The following SULF2 variants were observed in gnomAD, a reference collection of about 807,000 sequenced individuals.
The protein encoded by SULF2 is sulfatase 2.
A neutral mutation model predicts 107.7 loss-of-function variants in SULF2; 52 were observed. That is an observed-to-expected ratio of 0.48 (90% confidence interval 0.39 to 0.61). SULF2 has a LOEUF of 0.61. Ranked by LOEUF, SULF2 falls within the 20% of genes least tolerant of loss-of-function variation. The probability of loss-of-function intolerance (pLI) is 0.00; values close to 1 mark genes in which losing one functional copy is unlikely to be tolerated. For synonymous variants in SULF2, 460 were observed against 464.3 expected, an observed-to-expected ratio of 0.99 and a Z score of 0.12; for missense variants, 993 against 1,177.3, an observed-to-expected ratio of 0.84 and a Z score of 2.29.
At chr20:47,751,648 C>T (rs1322343001) in intron 2 of SULF2, among the ~76,000 whole-genome samples, 1 of 152,170 alleles carries the variant, frequency 6.6e-6, no homozygotes, top group Non-Finnish European at 1.5e-5. Flanking sequence ...AGAGACAAAG[C>T]TCCTAGATCC....
intron 1 of SULF2, among the ~76,000 whole-genome samples, chr20:47,783,327 A>G (rs1290962474): frequency 6.6e-6 from 1 of 152,242 alleles, no homozygotes; most frequent in Non-Finnish European, 1.5e-5. Flanking sequence ...AGCTTGACAG[A>G]GTTGGGTGAT....
Position 47,694,261 on chromosome 20 carries a change from G to A in SULF2, c.568-3966C>T, listed in dbSNP as rs1272463770. Among the ~76,000 whole-genome samples the A allele has an allele frequency of 6.6e-6, 1 of 152,174 alleles. No homozygotes were observed. The highest frequency in any genetic ancestry group is 1.5e-5 in the Non-Finnish European group (1 of 68,026). ...GGGGGCAGCATCCAGCGATGCTCAG[G>A]GGCAGCCAGGACAGCCACTGGGTGG... On this transcript the variant is annotated intron_variant, in intron 4 of 20. Coordinates refer to ENST00000688720, the MANE Select transcript of SULF2 (RefSeq NM_001387048.1). This position sits in a 1 kb window ranked among gnomAD's most constrained non-coding sequence, Gnocchi z 4.4.
At chr20:47,674,210 C>T (rs1443449247) in intron 10 of SULF2, among the ~76,000 whole-genome samples, 2 of 152,272 alleles carry the variant, frequency 1.3e-5, no homozygotes, top group Non-Finnish European at 2.9e-5. Flanking sequence ...TGCAACTACT[C>T]ATGTAGAAGC....
rs187004271 is a variant in SULF2 at position 47,738,551 on chromosome 20, C to T, written c.176-1609G>A. ...TGAATTGTGGCTCCCATATTTCCCA[C>T]GTGTTGTGAGAGGGATCTGATGGGA... is the stretch of plus-strand genomic sequence containing the variant. On this transcript the variant is annotated intron_variant, in intron 2 of 20. Transcript: ENST00000688720. Among the ~76,000 whole-genome samples, 35 of 152,298 alleles carry T rather than the reference C, an allele frequency of 2.3e-4. No individual in the cohort carries two copies. The Middle Eastern group carries it at 0.01, about 44-fold the overall frequency.
At chr20:47,673,535 T>C (rs1339584581) in intron 10 of SULF2, among the ~76,000 whole-genome samples, 1 of 151,432 alleles carries the variant, frequency 6.6e-6, no homozygotes, top group Admixed American at 6.6e-5. Context: ...CCCGCTGCCG[T>C]TGAAGGCCCT....
intron 6 of SULF2, among the ~76,000 whole-genome samples, chr20:47,683,961 A>T (rs1377222452): frequency 6.6e-6 from 1 of 152,216 alleles, no homozygotes; most frequent in Admixed American, 6.5e-5. Flanking sequence ...AGAGACAGAA[A>T]GAGATCACCA....
intron 3 of SULF2, among the ~76,000 whole-genome samples, chr20:47,725,714 C>G (rs1243495328): frequency 6.6e-6 from 1 of 152,148 alleles, no homozygotes; most frequent in Non-Finnish European, 1.5e-5. Context: ...ATCTGGGCAC[C>G]CCCTCCCCAC....
chr20:47,746,994 AATATAT>A (rs57147246), intron 2 of SULF2, among the ~76,000 whole-genome samples: 396 of 131,874 alleles, frequency 3.0e-3, no homozygotes, highest in African/African-American at 9.9e-3. Flanking sequence ...AAAAAAAAAA[AATATAT>A]ATATATATAT....
intron 1 of SULF2, among the ~76,000 whole-genome samples, chr20:47,770,221 C>A (rs1477083305): frequency 1.3e-5 from 2 of 151,952 alleles, no homozygotes; most frequent in East Asian, 3.9e-4. Context: ...CAACCATGCC[C>A]GATTACTTTT....
At chr20:47,762,697 G>A (rs941305835) in intron 1 of SULF2, among the ~76,000 whole-genome samples, 4 of 152,216 alleles carry the variant, frequency 2.6e-5, no homozygotes, top group Admixed American at 1.3e-4. Flanking sequence ...GTGATGCCAG[G>A]GTACAGGGGG....
At position 47,680,034 on chromosome 20, in the gene SULF2, C is replaced by G. The variant is rs1209797390; in HGVS notation, c.1065-1230G>C. ...CACTTCTGTATCTCCAGGACTTATA[C>G]CCTTAGAACACAGAGGAGCTACTCA... On this transcript the variant is annotated intron_variant, in intron 7 of 20. Coordinates refer to ENST00000688720, the MANE Select transcript of SULF2 (RefSeq NM_001387048.1). The surrounding 1 kb of genome is among the most constrained non-coding windows in gnomAD (Gnocchi z 4.2). 6.6e-6 allele frequency among the ~76,000 whole-genome samples: 1 copy of G among 152,284 alleles called. No individual in the cohort carries two copies. Among genetic ancestry groups the G allele is most frequent in the East Asian group, 1.9e-4 (1 of 5,188 alleles).
At chr20:47,759,025 C>A (rs1315111795) in intron 1 of SULF2, among the ~76,000 whole-genome samples, 1 of 152,192 alleles carries the variant, frequency 6.6e-6, no homozygotes, top group Non-Finnish European at 1.5e-5. Flanking sequence ...TTCCCTGCCC[C>A]CATCCTCCAT....
chr20:47,721,037 G>A (rs1371410059), intron 3 of SULF2, among the ~76,000 whole-genome samples: 1 of 152,132 alleles, frequency 6.6e-6, no homozygotes, highest in Non-Finnish European at 1.5e-5. Flanking sequence ...AATAAACCCA[G>A]AGCTCCACAG....
At chr20:47,785,790 A>G (rs1056085210), upstream of SULF2, 7 of 148,946 alleles carry the variant, frequency 4.7e-5, no homozygotes, top group East Asian at 2.0e-4. Flanking sequence ...CGGGGGGCCC[A>G]GCCGCGGTGC....
Position 47,761,703 on chromosome 20 carries a change from GAGGCTGCCAGAC to G in SULF2, c.-100-4252_-100-4241del, listed in dbSNP as rs200499120. On this transcript the variant is annotated intron_variant, in intron 1 of 20. Coordinates refer to ENST00000688720, the MANE Select transcript of SULF2 (RefSeq NM_001387048.1). Reference sequence around the variant, plus strand: ...TGAGACTTTCTGCTGGAGGTAACTGGAGGCTGCCAGACAGCTGAAAAGGAGACAAACTCTAGC... The same window carrying G: ...TGAGACTTTCTGCTGGAGGTAACTGGAGCTGAAAAGGAGACAAACTCTAGC... 1.7e-3 allele frequency among the ~76,000 whole-genome samples: 263 copies of G among 152,342 alleles called. 4 individuals carry two copies. In the East Asian group the frequency reaches 0.03, roughly 17 times the overall value.
intron 8 of SULF2, among the ~76,000 whole-genome samples, chr20:47,677,596 T>A (rs1482148355): frequency 6.6e-6 from 1 of 152,214 alleles, no homozygotes; most frequent in East Asian, 1.9e-4. Context: ...GTGGTTGCCT[T>A]GATGTCAGGT....
chr20:47,702,505 A>C lies in SULF2; in HGVS notation c.567+14T>G. 1 of 1,608,832 alleles carries C rather than the reference A, an allele frequency of 6.2e-7. No homozygotes were observed. Among genetic ancestry groups the C allele is most frequent in the South Asian group, 1.1e-5 (1 of 90,676 alleles). On this transcript the variant is annotated intron_variant, in intron 4 of 20. Coordinates refer to ENST00000688720, the MANE Select transcript of SULF2 (RefSeq NM_001387048.1). ...CCACACAGCCACTCCCAGGCTGGAAAGGTTGCAGCTTACCTTGGAGTAGTC... is the reference window on the plus strand; with the variant it reads ...CCACACAGCCACTCCCAGGCTGGAACGGTTGCAGCTTACCTTGGAGTAGTC...
chr20:47,678,821 A>T lies in SULF2; in HGVS notation c.1065-17T>A, dbSNP rs1472201600. 6.2e-7 allele frequency: 1 copy of T among 1,611,254 alleles called. No homozygotes were observed. Among genetic ancestry groups the T allele is most frequent in the East Asian group, 2.2e-5 (1 of 44,818 alleles). ...TGGGGATTCCTGGGGGAGGCAGGAG[A>T]TCGGGGACTCAGTCACTCAGGTGGT... On this transcript the variant is annotated splice_polypyrimidine_tract_variant and intron_variant, in intron 7 of 20. Transcript: ENST00000688720. The surrounding 1 kb of genome is among the most constrained non-coding windows in gnomAD (Gnocchi z 4.5).
intron 3 of SULF2, among the ~76,000 whole-genome samples, chr20:47,719,481 C>T (rs35164685): frequency 0.13 from 20,279 of 152,148 alleles, 1,793 homozygotes; most frequent in Middle Eastern, 0.25. Context: ...GCCATCTGAC[C>T]ATCACCCATC....
Sources: gnomAD v4.1 joint callset for allele counts (sites outside exome capture counted in the v4.1 genomes callset) on GRCh38, gnomAD v4.1.1 for gene constraint, Gnocchi (gnomAD v3.1) non-coding constraint, MANE v1.5 for transcripts, NCBI Gene and HGNC (gene_info 2026-07-23, HGNC 2026-07-21) for gene names.